Variants in RAB38 observed in about 807,000 individuals in gnomAD.
RAB38 encodes the protein RAB38, member RAS oncogene family.
Under a neutral mutation model 18.4 loss-of-function variants are expected in RAB38, and 15 were observed. That is an observed-to-expected ratio of 0.82 (90% CI 0.55 to 1.26). RAB38 has a LOEUF of 1.26. Among genes scored for constraint, RAB38 ranks in the 50% most tolerant of loss-of-function variants. The pLI, the probability that RAB38 is intolerant of heterozygous loss-of-function variation, is 0.00. For missense variants in RAB38, 294 were observed against 267.4 expected (o/e 1.10, Z -0.69); for synonymous variants, 101 against 104.4 (o/e 0.97, Z 0.20).
intron 2 of RAB38, among the ~76,000 whole-genome samples, chr11:88,120,566 C>T (rs1942616819): frequency 6.6e-6 from 1 of 152,106 alleles, no homozygotes; most frequent in Non-Finnish European, 1.5e-5. Flanking sequence ...GCCACATTGT[C>T]ACTTATTTTA....
the RAB38 span, among the ~76,000 whole-genome samples, chr11:88,064,869 C>T: frequency 7.3e-3 from 1,107 of 152,162 alleles, 15 homozygotes; most frequent in African/African-American, 0.025. Context: ...ATTCTTCTTG[C>T]TAGGAATTCC....
the RAB38 span, among the ~76,000 whole-genome samples, chr11:88,072,281 T>C: frequency 6.6e-6 from 1 of 152,208 alleles, no homozygotes; most frequent in African/African-American, 2.4e-5. Context: ...CTCACTGTGT[T>C]CATCAGCAGA....
At chr11:88,172,162 C>T (rs1206238323) in intron 1 of RAB38, among the ~76,000 whole-genome samples, 1 of 152,218 alleles carries the variant, frequency 6.6e-6, no homozygotes, top group Admixed American at 6.5e-5. Context: ...CCTCTACTAG[C>T]TGGGTGGCCT....
chr11:87,898,720 C>T, the RAB38 span, among the ~76,000 whole-genome samples: 1 of 151,658 alleles, frequency 6.6e-6, no homozygotes, highest in Non-Finnish European at 1.5e-5. Flanking sequence ...TGGGGAAGAA[C>T]ATCAGTTTCT....
At chr11:88,119,902 G>A (rs1475770687) in intron 2 of RAB38, among the ~76,000 whole-genome samples, 1 of 152,046 alleles carries the variant, frequency 6.6e-6, no homozygotes, top group African/African-American at 2.4e-5. Flanking sequence ...CACAAAACAG[G>A]GGTTTAAAAA....
At chr11:87,838,965 T>C in the RAB38 span, among the ~76,000 whole-genome samples, 1 of 152,236 alleles carries the variant, frequency 6.6e-6, no homozygotes, top group African/African-American at 2.4e-5. Context: ...GTAAGAGGCA[T>C]GGCTGAGAAT....
At chr11:87,941,947 C>T in the RAB38 span, among the ~76,000 whole-genome samples, 1 of 152,156 alleles carries the variant, frequency 6.6e-6, no homozygotes, top group Non-Finnish European at 1.5e-5. Flanking sequence ...TGCCTCATTA[C>T]CCCTGCCCCT....
chr11:88,026,014 G>C, the RAB38 span, among the ~76,000 whole-genome samples: 1 of 151,852 alleles, frequency 6.6e-6, no homozygotes, highest in Non-Finnish European at 1.5e-5. Flanking sequence ...CGCCAGGCTG[G>C]AGTGCAATGG....
the RAB38 span, among the ~76,000 whole-genome samples, chr11:87,961,644 G>T: frequency 6.6e-6 from 1 of 152,148 alleles, no homozygotes; most frequent in African/African-American, 2.4e-5. Context: ...GGTACATCCT[G>T]AAAAGAGGAA....
the RAB38 span, among the ~76,000 whole-genome samples, chr11:88,107,653 T>A: frequency 2.0e-5 from 3 of 152,166 alleles, no homozygotes; most frequent in Non-Finnish European, 4.4e-5. Context: ...TTTTTTGTCT[T>A]CTGCTAGCTT....
chr11:88,088,991 C>T, the RAB38 span, among the ~76,000 whole-genome samples: 5 of 151,678 alleles, frequency 3.3e-5, no homozygotes, highest in African/African-American at 4.8e-5. Context: ...CATAATCCTT[C>T]TTATAGAGAA....
the RAB38 span, among the ~76,000 whole-genome samples, chr11:87,948,411 G>A: frequency 6.6e-6 from 1 of 151,806 alleles, no homozygotes; most frequent in Non-Finnish European, 1.5e-5. Context: ...TGATTGCCCT[G>A]GCCAGAACTT....
the RAB38 span, among the ~76,000 whole-genome samples, chr11:87,893,112 G>A: frequency 6.6e-6 from 1 of 151,266 alleles, no homozygotes; most frequent in African/African-American, 2.4e-5. Context: ...TAGGGGCTTA[G>A]TTACAGCTAA....
rs1178865986 is a variant in RAB38 at position 88,142,658 on chromosome 11, A to G, written c.483+7017T>C. ...AGTTCTGAAGACTCCTGAAGCCAGG[A>G]TATTTTTCTATGTTTCTTCTCTCAC... is the stretch of plus-strand genomic sequence containing the variant. On this transcript the variant is annotated intron_variant, in intron 2 of 2. Coordinates refer to ENST00000243662, the MANE Select transcript of RAB38 (RefSeq NM_022337.3). 2.0e-5 allele frequency among the ~76,000 whole-genome samples: 3 copies of G among 152,218 alleles called. No homozygotes were observed. In the East Asian group the frequency reaches 5.8e-4, roughly 29 times the overall value.
the RAB38 span, among the ~76,000 whole-genome samples, chr11:87,932,515 A>G: frequency 4.6e-5 from 7 of 152,052 alleles, no homozygotes; most frequent in African/African-American, 9.7e-5. Flanking sequence ...GTTTCCTTCT[A>G]TCATCTCACC....
chr11:88,025,631 A>G, the RAB38 span, among the ~76,000 whole-genome samples: 1 of 152,100 alleles, frequency 6.6e-6, no homozygotes, highest in Non-Finnish European at 1.5e-5. Context: ...AATAAGTGAT[A>G]TGGAGCATTT....
chr11:87,892,172 C>G, the RAB38 span, among the ~76,000 whole-genome samples: 1 of 151,776 alleles, frequency 6.6e-6, no homozygotes, highest in African/African-American at 2.4e-5. Context: ...GTCTGACAGC[C>G]TGGAAATAAA....
the RAB38 span, among the ~76,000 whole-genome samples, chr11:88,045,804 T>G: frequency 6.6e-6 from 1 of 152,186 alleles, no homozygotes; most frequent in Non-Finnish European, 1.5e-5. Context: ...AAGGGCCTGT[T>G]TCCTTTGCCT....
the RAB38 span, among the ~76,000 whole-genome samples, chr11:87,914,454 G>C: frequency 3.3e-5 from 5 of 152,128 alleles, no homozygotes; most frequent in Non-Finnish European, 4.4e-5. Context: ...CAATAGCAAA[G>C]TCTCCAAGAA....
Sources: allele counts gnomAD v4.1 joint callset (sites outside exome capture counted in the v4.1 genomes callset), GRCh38; gene constraint gnomAD v4.1.1; transcripts MANE v1.5; gene names NCBI Gene and HGNC (gene_info 2026-07-23, HGNC 2026-07-21).